Variants in FGF14 observed in about 807,000 individuals in gnomAD.
FGF14 encodes the protein fibroblast growth factor 14, also known as fibroblast growth factor homologous factor 4.
A neutral mutation model predicts 25.5 loss-of-function variants in FGF14; 5 were observed. That is an observed-to-expected ratio of 0.20 (90% CI 0.10 to 0.41). The LOEUF (loss-of-function observed/expected upper bound fraction) is 0.41. Ranked by LOEUF, FGF14 falls within the 10% of genes least tolerant of loss-of-function variation. FGF14 has a pLI of 1.00. For missense variants in FGF14, 222 were observed against 320.1 expected (o/e 0.69, Z 2.34); for synonymous variants, 138 against 118.3 (o/e 1.17, Z -1.08).
intron 2 of FGF14, among the ~76,000 whole-genome samples, chr13:101,870,906 T>C (rs1566351129): frequency 6.6e-6 from 1 of 152,066 alleles, no homozygotes; most frequent in African/African-American, 2.4e-5. Flanking sequence ...TGAGCCTAGA[T>C]CACGCCACTG....
At chr13:102,171,762 G>A (rs2048253305) in intron 1 of FGF14, among the ~76,000 whole-genome samples, 3 of 152,088 alleles carry the variant, frequency 2.0e-5, no homozygotes, top group African/African-American at 7.2e-5. Context: ...TTTAATGCCA[G>A]TATTTTTATG....
chr13:102,073,145 AGCAGGCTGAG>A (rs1160841556), intron 1 of FGF14, among the ~76,000 whole-genome samples: 1 of 152,178 alleles, frequency 6.6e-6, no homozygotes, highest in Non-Finnish European at 1.5e-5. Flanking sequence ...CCAGCTACTC[AGCAGGCTGAG>A]GCAGGAGAAT....
intron 1 of FGF14, among the ~76,000 whole-genome samples, chr13:102,089,492 C>G (rs905880488): frequency 6.6e-6 from 1 of 152,132 alleles, no homozygotes; most frequent in Non-Finnish European, 1.5e-5. Flanking sequence ...GAAACTGATG[C>G]TAGTATTTTT....
intron 3 of FGF14, among the ~76,000 whole-genome samples, chr13:101,858,714 C>G (rs1207076680): frequency 6.6e-6 from 1 of 152,040 alleles, no homozygotes; most frequent in Non-Finnish European, 1.5e-5. Flanking sequence ...AAAATGCAAA[C>G]TGCAGTGATG....
chr13:101,714,764 T>C lies in FGF14; in HGVS notation c.*8067A>G. On this transcript the variant is annotated 3_prime_UTR_variant, in exon 5 of 5. Transcript: ENST00000376143. The stretch of plus-strand genomic sequence containing the variant: ...AAGAATACAAGAGAATGAAGCTAAA[T>C]TTTGTGATTATTTGGGATCCTTCCA... 1 of 540,244 alleles carries C rather than the reference T, an allele frequency of 1.9e-6. No individual in the cohort carries two copies. The highest frequency in any genetic ancestry group is 2.7e-5 in the South Asian group (1 of 37,284). The allele number at this position is 540,244 out of a possible 1,614,324, so 33.5% of individuals were successfully genotyped here.
At chr13:102,102,937 T>G (rs1055907257) in intron 1 of FGF14, among the ~76,000 whole-genome samples, 2 of 152,188 alleles carry the variant, frequency 1.3e-5, no homozygotes, top group East Asian at 1.9e-4. Flanking sequence ...AAATCCTCGT[T>G]CTAGTACACG....
At chr13:102,153,900 T>C (rs1333854916) in intron 1 of FGF14, among the ~76,000 whole-genome samples, 1 of 152,208 alleles carries the variant, frequency 6.6e-6, no homozygotes, top group Non-Finnish European at 1.5e-5. Context: ...AAGCAATTTA[T>C]AAAGGTGGTC....
intron 1 of FGF14, among the ~76,000 whole-genome samples, chr13:102,298,831 T>C (rs1313114059): frequency 6.6e-6 from 1 of 152,194 alleles, no homozygotes; most frequent in Non-Finnish European, 1.5e-5. Context: ...TTCCGGTGTC[T>C]GAGAAAACAT....
intron 1 of FGF14, among the ~76,000 whole-genome samples, chr13:102,131,110 C>T (rs1287970745): frequency 6.6e-6 from 1 of 152,172 alleles, no homozygotes; most frequent in African/African-American, 2.4e-5. Flanking sequence ...TTTCTGGTGT[C>T]CCCTCATAGA....
chr13:101,737,958 T>C (rs923235709), intron 3 of FGF14, among the ~76,000 whole-genome samples: 1 of 152,116 alleles, frequency 6.6e-6, no homozygotes, highest in Non-Finnish European at 1.5e-5. Flanking sequence ...AGCCAACCTT[T>C]AAAATGAAAG....
At chr13:102,135,008 A>AC (rs1214889234) in intron 1 of FGF14, among the ~76,000 whole-genome samples, 1 of 137,182 alleles carries the variant, frequency 7.3e-6, no homozygotes, top group Non-Finnish European at 1.5e-5. Flanking sequence ...ACATAGGGAG[A>AC]CCCCGTGTCC....
chr13:102,012,308 C>T (rs1288486773), intron 1 of FGF14, among the ~76,000 whole-genome samples: 1 of 152,134 alleles, frequency 6.6e-6, no homozygotes, highest in East Asian at 1.9e-4. Context: ...ATATTTCTCA[C>T]TCCTGTGCTT....
chr13:102,116,201 A>C (rs775867661), intron 1 of FGF14, among the ~76,000 whole-genome samples: 3 of 152,186 alleles, frequency 2.0e-5, no homozygotes, highest in Non-Finnish European at 4.4e-5. Flanking sequence ...AAAAAGGAAA[A>C]ATAGCAAGTG....
At chr13:102,118,659 T>C (rs143400173) in intron 1 of FGF14, among the ~76,000 whole-genome samples, 1,531 of 152,282 alleles carry the variant, frequency 0.01, 14 homozygotes, top group Non-Finnish European at 0.014. Flanking sequence ...AAATTCACTA[T>C]ATTTCCTTCT....
chr13:102,322,529 C>T (rs969821030), intron 1 of FGF14, among the ~76,000 whole-genome samples: 12 of 152,088 alleles, frequency 7.9e-5, no homozygotes, highest in African/African-American at 2.9e-4. Flanking sequence ...TCCTAAGATG[C>T]ACATAATCCT....
chr13:102,135,780 C>T lies in FGF14; in HGVS notation c.209-260484G>A, dbSNP rs535446694. On this transcript the variant is annotated intron_variant, in intron 1 of 4. Coordinates refer to the FGF14 transcript ENST00000376131. ...AAGTGATTCTCCTACCTCAGCCTCC[C>T]GAGTAGCTGGGACTACAAGCATGCA... Among the ~76,000 whole-genome samples the T allele has an allele frequency of 5.9e-5, 9 of 152,070 alleles. No individual in the cohort carries two copies. The South Asian group carries it at 8.3e-4, about 14-fold the overall frequency.
intron 3 of FGF14, among the ~76,000 whole-genome samples, chr13:101,788,909 TAGAGAGAGAGAGAGAGAG>T (rs781347440): frequency 2.2e-4 from 7 of 31,212 alleles, no homozygotes; most frequent in Admixed American, 4.7e-4. Context: ...TATATATATA[TAGAGAGAGAGAGAGAGAG>T]AGAGAGAGAG....
At chr13:102,138,148 A>G in intron 1 of FGF14, among the ~76,000 whole-genome samples, 1 of 146,566 alleles carries the variant, frequency 6.8e-6, no homozygotes, top group Middle Eastern at 3.5e-3. Flanking sequence ...TTCTTTTCAG[A>G]CAAAGCCTTA....
In FGF14 at chr13:101,722,775, A is replaced by G; in HGVS notation, c.*56T>C. The stretch of plus-strand genomic sequence containing the variant: ...CACGGAGCAGGAATGTCTGGTGAGG[A>G]TAAATCACTCAACTGTGCTCAGGAC... On this transcript the variant is annotated 3_prime_UTR_variant, in exon 5 of 5. Transcript: ENST00000376143. 1 of 1,607,436 alleles carries G rather than the reference A, an allele frequency of 6.2e-7. No individual in the cohort carries two copies. The highest frequency in any genetic ancestry group is 1.1e-5 in the South Asian group (1 of 90,910).
Sources: gnomAD v4.1 joint callset for allele counts (sites outside exome capture counted in the v4.1 genomes callset) on GRCh38, gnomAD v4.1.1 for gene constraint, MANE v1.5 for transcripts, NCBI Gene and HGNC (gene_info 2026-07-23, HGNC 2026-07-21) for gene names.